The following PKHD1L1 variants were observed in gnomAD, a reference collection of about 807,000 sequenced individuals.
PKHD1L1 encodes PKHD1 like 1.
PKHD1L1 carries 434 observed loss-of-function variants against 462.9 expected under a neutral mutation model. The observed-to-expected ratio is 0.94, with a 90% CI of 0.87 to 1.02. The LOEUF is 1.02. Ranked by LOEUF, PKHD1L1 falls within the 50% of genes least tolerant of loss-of-function variation. The pLI is 0.00. For missense variants in PKHD1L1, 5,202 were observed against 5,096.1 expected (o/e 1.02, Z -0.63); for synonymous variants, 1,781 against 1,750.0 (o/e 1.02, Z -0.44).
In PKHD1L1 at chr8:109,461,835, T is replaced by C. The variant is rs191119901; in HGVS notation, c.7310T>C (p.Phe2437Ser). 6.2e-7 allele frequency: 1 copy of C among 1,607,954 alleles called. No individual in the cohort carries two copies. Among genetic ancestry groups the C allele is most frequent in the East Asian group, 2.2e-5 (1 of 44,742 alleles). The part of the protein sequence containing the change: ...KFGEEIGSDQ[F>S]GGCVMFHAPV... ...GGAGAAGAAATAGGAAGTGACCAAT[T>C]TGGAGGCTGCGTTATGTTTCATGCT... Residue 2437 changes from phenylalanine to serine, a missense_variant, in exon 48 of 78, where the codon TTT (phenylalanine) becomes TCT (serine). Physicochemically the swap from Phe to Ser is radical, Grantham distance 155. Coordinates refer to ENST00000378402, the MANE Select transcript of PKHD1L1 (RefSeq NM_177531.6).
intron 51 of PKHD1L1, among the ~76,000 whole-genome samples, chr8:109,475,762 C>T (rs1049241257): frequency 2.0e-5 from 3 of 148,790 alleles, no homozygotes; most frequent in African/African-American, 5.0e-5. Context: ...GCAGGAGAAT[C>T]GCTTGAACCC....
Position 109,452,780 on chromosome 8 carries a change from T to TC in PKHD1L1, c.6575dup (p.Glu2193ArgfsTer36). 1 of 1,533,354 alleles carries TC rather than the reference T, an allele frequency of 6.5e-7. No homozygotes were observed. The highest frequency in any genetic ancestry group is 8.8e-7 in the Non-Finnish European group (1 of 1,140,800). 95.0% of individuals were successfully genotyped at this position (1,533,354 alleles called of 1,614,324 possible). ...CCAATTTCTCATGGGGGGGAAAATC[T>TC]CCCCCAGAAGAAGGATCTCTTGTTG... On this transcript the variant is annotated frameshift_variant, in exon 43 of 78. Coordinates refer to ENST00000378402, the MANE Select transcript of PKHD1L1 (RefSeq NM_177531.6). LOFTEE classifies it high-confidence loss of function.
Position 109,536,205 on chromosome 8 carries a change from G to A in PKHD1L1, c.*6115G>A, listed in dbSNP as rs1188394692. 2.0e-5 allele frequency among the ~76,000 whole-genome samples: 3 copies of A among 152,190 alleles called. No individual in the cohort carries two copies. Among genetic ancestry groups the A allele is most frequent in the Non-Finnish European group, 4.4e-5 (3 of 68,028 alleles). ...ATCTGCCTGCTTCAAAGGTTTCACC[G>A]ATTTTATTGCTGTGTTTCCAACACA... On this transcript the variant is annotated 3_prime_UTR_variant, in exon 78 of 78. Coordinates refer to ENST00000378402, the MANE Select transcript of PKHD1L1 (RefSeq NM_177531.6).
intron 6 of PKHD1L1, 90 bp downstream of exon 6, chr8:109,385,720 TTAC>T: frequency 1.2e-6 from 1 of 812,324 alleles, no homozygotes. Flanking sequence ...TTAAATCCCA[TTAC>T]AATGTAATAT....
At chr8:109,485,332 G>A (rs950172365) in intron 58 of PKHD1L1, among the ~76,000 whole-genome samples, 159 bp downstream of exon 58, 1 of 151,948 alleles carries the variant, frequency 6.6e-6, no homozygotes, top group African/African-American at 2.4e-5. Context: ...CTCTTTCTGT[G>A]TTGGTTACCG....
At chr8:109,370,393 C>T (rs887447490) in intron 2 of PKHD1L1, among the ~76,000 whole-genome samples, 3 of 152,032 alleles carry the variant, frequency 2.0e-5, no homozygotes, top group Non-Finnish European at 4.4e-5. Flanking sequence ...GGATTGCAGG[C>T]GTGAGCCACC....
Position 109,465,096 on chromosome 8 carries a change from G to A in PKHD1L1, c.8264G>A (p.Gly2755Glu). ...GACCGTCCCAACTGTGTAGCTTTGG[G>A]AGTGACATCCATCTCTGGAGTTTGT... ...NFDRPNCVAL[G>E]VTSISGVCND... The change falls in exon 49 of 78, where the codon GGA (glycine) becomes GAA (glutamate). Residue 2755 changes from glycine (G) to glutamate (E), a missense_variant. Coordinates refer to ENST00000378402, the MANE Select transcript of PKHD1L1 (RefSeq NM_177531.6). The A allele has an allele frequency of 6.2e-7, 1 of 1,613,810 alleles. No homozygotes were observed. Among genetic ancestry groups the A allele is most frequent in the Non-Finnish European group, 8.5e-7 (1 of 1,179,796 alleles).
intron 32 of PKHD1L1, among the ~76,000 whole-genome samples, chr8:109,439,529 G>C (rs1053237261): frequency 6.6e-6 from 1 of 152,104 alleles, no homozygotes; most frequent in Non-Finnish European, 1.5e-5. Flanking sequence ...CTGTGAGTTA[G>C]AGGTACCAGG....
In PKHD1L1 at chr8:109,414,752, G is replaced by A. The variant is rs191571901; in HGVS notation, c.2360+1207G>A. On this transcript the variant is annotated intron_variant, in intron 21 of 77. Coordinates refer to ENST00000378402, the MANE Select transcript of PKHD1L1 (RefSeq NM_177531.6). ...TCCTCTTGACACCCAGACAGAGAGA[G>A]TGAGAAAATGATCCAAAGTTGGAAA... Among the ~76,000 whole-genome samples, 193 of 152,112 alleles carry A rather than the reference G, an allele frequency of 1.3e-3. 1 individual carries two copies. Among genetic ancestry groups the A allele is most frequent in the South Asian group, 4.4e-3 (21 of 4,818 alleles).
chr8:109,529,768 A>C (rs1456312084), intron 77 of PKHD1L1, among the ~76,000 whole-genome samples: 2 of 152,138 alleles, frequency 1.3e-5, no homozygotes, highest in Admixed American at 6.5e-5. Context: ...TTCTTTAATA[A>C]CTTTGCATTC....
chr8:109,458,754 G>A (rs1816955168), intron 46 of PKHD1L1, among the ~76,000 whole-genome samples: 1 of 152,098 alleles, frequency 6.6e-6, no homozygotes, highest in African/African-American at 2.4e-5. Flanking sequence ...AACTCCCTTA[G>A]GCTTACCTTT....
Position 109,491,949 on chromosome 8 carries a change from G to A in PKHD1L1, c.10191G>A (p.Gln3397=), listed in dbSNP as rs1280051911. ...TTTCGGTTTGGCCAGGAACCTATCA[G>A]AACAGAAAAGATTTAAGTTCAACTC... ...IALSVWPGTY[Q]NRKDLSSTLW... is the part of the protein sequence containing the mutation. Residue 3397 remains glutamine, a synonymous_variant, in exon 62 of 78, where the codon CAG becomes CAA. Coordinates refer to ENST00000378402, the MANE Select transcript of PKHD1L1 (RefSeq NM_177531.6). The A allele has an allele frequency of 2.5e-6, 4 of 1,592,504 alleles. No homozygotes were observed. Among genetic ancestry groups the A allele is most frequent in the Non-Finnish European group, 3.4e-6 (4 of 1,166,724 alleles).
chr8:109,419,286 T>C, intron 22 of PKHD1L1, 26 bp downstream of exon 22: 1 of 1,531,960 alleles, frequency 6.5e-7, no homozygotes, highest in Non-Finnish European at 8.8e-7. Flanking sequence ...TTATCTCTGC[T>C]TTAATCTAAA....
intron 16 of PKHD1L1, 26 bp from the exon 17 acceptor site, chr8:109,406,309 G>A (rs914505572): frequency 6.5e-7 from 1 of 1,529,070 alleles, no homozygotes; most frequent in African/African-American, 1.4e-5. Context: ...CTGTTTGTTT[G>A]TTTGTTTGTT....
chr8:109,498,785 CTT>C lies in PKHD1L1; in HGVS notation c.10828+17_10828+18del, dbSNP rs1227061129. 1 of 1,556,830 alleles carries C rather than the reference CTT, an allele frequency of 6.4e-7. No individual in the cohort carries two copies. The highest frequency in any genetic ancestry group is 1.4e-5 in the African/African-American group (1 of 73,172). On this transcript the variant is annotated intron_variant, in intron 67 of 77. Transcript: ENST00000378402. ...TGGACATCTCAGGCAAGTACACAGT[CTT>C]TTACAAATCTTCTCAATTAATTTCT...
rs778232521 is a variant in PKHD1L1, at chr8:109,504,489, T to C, written c.10991T>C (p.Ile3664Thr). The C allele has an allele frequency of 6.8e-7, 1 of 1,470,388 alleles. No individual in the cohort carries two copies. Among genetic ancestry groups the C allele is most frequent in the South Asian group, 1.3e-5 (1 of 74,396 alleles). 91.1% of individuals were successfully genotyped at this position (1,470,388 alleles called of 1,614,324 possible). ...AAAATATTTATACATAGGCCTGATA[T>C]AAGGTAAAATACATAAAAATTGTGG... Reference protein sequence around the residue: ...QSKIFIHRPDISKVNPSDCVD... With the variant: ...QSKIFIHRPDTSKVNPSDCVD... The change falls in exon 68 of 78, where the codon ATA becomes ACA. Residue 3664 changes from isoleucine to threonine, a missense_variant. Ile to Thr is a moderately conservative substitution (Grantham distance 89). This residue lies in a region of PKHD1L1 where 698 missense variants were observed against 736.3 expected (regional missense o/e 0.95). Coordinates refer to ENST00000378402, the MANE Select transcript of PKHD1L1 (RefSeq NM_177531.6).
chr8:109,493,517 G>A (rs1818932725), intron 62 of PKHD1L1, 144 bp from the exon 63 acceptor site: 2 of 456,762 alleles, frequency 4.4e-6, no homozygotes, highest in Non-Finnish European at 7.6e-6. Context: ...GTTTGAATGG[G>A]GTAAATAATA....
intron 17 of PKHD1L1, 98 bp from the exon 18 acceptor site, chr8:109,407,951 C>G: frequency 1.2e-6 from 1 of 809,276 alleles, no homozygotes; most frequent in Non-Finnish European, 1.6e-6. Context: ...AATTTGGCTA[C>G]ATTTGAGTGT....
chr8:109,386,839 T>C (rs1397132585), intron 6 of PKHD1L1, among the ~76,000 whole-genome samples: 1 of 152,156 alleles, frequency 6.6e-6, no homozygotes, highest in African/African-American at 2.4e-5. Context: ...GATTCCTTTT[T>C]TCCCCCACTG....
Sources: allele counts gnomAD v4.1 joint callset (sites outside exome capture counted in the v4.1 genomes callset), GRCh38; gene constraint gnomAD v4.1.1; regional missense constraint gnomAD v4.1.1; transcripts MANE v1.5; gene names NCBI Gene and HGNC (gene_info 2026-07-23, HGNC 2026-07-21).